Variants in AGAP1 observed in about 807,000 individuals in gnomAD.
The protein encoded by AGAP1 is ArfGAP with GTPase domain, ankyrin repeat and PH domain 1, also known as arf-GAP with GTPase, ANK repeat and PH domain-containing protein 1.
A neutral mutation model predicts 105.3 loss-of-function variants in AGAP1; 29 were observed. The ratio of observed to expected loss-of-function variants is 0.28; its 90% CI spans 0.21 to 0.38. The LOEUF (loss-of-function observed/expected upper bound fraction) is 0.38, where lower values mean the gene tolerates loss of function less well. AGAP1 is among the 10% of genes least tolerant of loss of function. The pLI is 1.00. For missense variants in AGAP1, 998 were observed against 1,165.1 expected (o/e 0.86, Z 2.09); for synonymous variants, 509 against 485.9 (o/e 1.05, Z -0.63).
intron 9 of AGAP1, among the ~76,000 whole-genome samples, chr2:235,840,896 C>T (rs540034165): frequency 6.6e-6 from 1 of 151,648 alleles, no homozygotes; most frequent in Non-Finnish European, 1.5e-5. Context: ...GAGCTAAGGA[C>T]CACTGGTGGT....
In AGAP1 at chr2:235,622,426, G is replaced by C. The variant is rs1462224453; in HGVS notation, c.164-86753G>C. On this transcript the variant is annotated intron_variant, in intron 1 of 17. Transcript: ENST00000304032. This position sits in a 1 kb window ranked among gnomAD's most constrained non-coding sequence, Gnocchi z 5.0. The stretch of plus-strand genomic sequence containing the variant: ...TCCTGCATGTCCGCCCATCTCACTG[G>C]GGTGATGAATGGATCTAGACCTGGT... Among the ~76,000 whole-genome samples, 2 of 152,168 alleles carry C rather than the reference G, an allele frequency of 1.3e-5. No homozygotes were observed. The highest frequency in any genetic ancestry group is 2.9e-5 in the Non-Finnish European group (2 of 68,038).
rs1008258572 is a variant in AGAP1, at chr2:235,970,099, G to T, written c.1645+1476G>T. On this transcript the variant is annotated intron_variant, in intron 13 of 17. Transcript: ENST00000304032. The surrounding 1 kb of genome is among the most constrained non-coding windows in gnomAD (Gnocchi z 5.4). ...TGCCTGTAATCCCAGCTACCTGAGA[G>T]GCTGAGGCAGGAGCATTGATTGAAC... is the stretch of plus-strand genomic sequence containing the variant. 2.6e-5 allele frequency among the ~76,000 whole-genome samples: 4 copies of T among 151,614 alleles called. No individual in the cohort carries two copies. The highest frequency in any genetic ancestry group is 7.3e-5 in the African/African-American group (3 of 41,186).
chr2:235,516,793 C>T (rs554845073), intron 1 of AGAP1, among the ~76,000 whole-genome samples: 19 of 152,338 alleles, frequency 1.2e-4, no homozygotes, highest in African/African-American at 1.7e-4. Context: ...TAAGTGGCGT[C>T]GCTGCCCAGT....
At chr2:235,828,310 T>C (rs1299605856) in intron 9 of AGAP1, among the ~76,000 whole-genome samples, 1 of 152,168 alleles carries the variant, frequency 6.6e-6, no homozygotes. Context: ...GTCACCAGTG[T>C]ATCCCAGACC....
At position 235,740,797 on chromosome 2, in the gene AGAP1, A is replaced by C. The variant is rs968113611; in HGVS notation, c.311-166A>C. Among the ~76,000 whole-genome samples the C allele has an allele frequency of 3.9e-5, 6 of 152,262 alleles. No homozygotes were observed. The highest frequency in any genetic ancestry group is 8.8e-5 in the Non-Finnish European group (6 of 68,048). On this transcript the variant is annotated intron_variant, in intron 3 of 17. Coordinates refer to ENST00000304032, the MANE Select transcript of AGAP1 (RefSeq NM_001037131.3). This position sits in a 1 kb window ranked among gnomAD's most constrained non-coding sequence, Gnocchi z 5.7. ...TCTTAAAGACAAACATTTAAATCTG[A>C]GTTCGGCTCTGTTAAAATTCAGCAT...
chr2:235,859,541 G>A (rs1354938521), intron 9 of AGAP1, among the ~76,000 whole-genome samples: 4 of 144,664 alleles, frequency 2.8e-5, no homozygotes, highest in Non-Finnish European at 6.0e-5. Context: ...TTTCTGAGCA[G>A]TTTTTTTTTT....
intron 6 of AGAP1, chr2:235,774,314 C>T (rs928590432): frequency 2.3e-5 from 11 of 469,572 alleles, no homozygotes; most frequent in African/African-American, 2.0e-4. Context: ...TGTCGCCAGC[C>T]CAGGGCTGGG....
chr2:236,006,623 T>C (rs2056331234), intron 13 of AGAP1, among the ~76,000 whole-genome samples: 1 of 152,198 alleles, frequency 6.6e-6, no homozygotes, highest in Non-Finnish European at 1.5e-5. Flanking sequence ...GCAACTGTTA[T>C]AAGGGACAGG....
At chr2:235,884,459 T>TGTTTGTTTG in intron 10 of AGAP1, among the ~76,000 whole-genome samples, 1 of 149,840 alleles carries the variant, frequency 6.7e-6, no homozygotes, top group African/African-American at 2.5e-5. Context: ...ACTGTTTTTT[T>TGTTTGTTTG]TTTTTTTTTT....
At chr2:235,784,089 A>T (rs1046068297) in intron 6 of AGAP1, among the ~76,000 whole-genome samples, 5 of 152,014 alleles carry the variant, frequency 3.3e-5, no homozygotes, top group African/African-American at 9.7e-5. Flanking sequence ...TCGCTTTCAA[A>T]TTTTTTTTGT....
chr2:235,738,991 G>A lies in AGAP1; in HGVS notation c.311-1972G>A, dbSNP rs114535819. 9.6e-3 allele frequency among the ~76,000 whole-genome samples: 1,455 copies of A among 152,142 alleles called. 21 individuals carry two copies. The highest frequency in any genetic ancestry group is 0.017 in the Middle Eastern group (5 of 294). On this transcript the variant is annotated intron_variant, in intron 3 of 17. Transcript: ENST00000304032. ...TATCACTGTTGCAGACTTTTCTGTCGTAAGCAGGCTTATTCAATGTTAAAT... is the reference window on the plus strand; with the variant it reads ...TATCACTGTTGCAGACTTTTCTGTCATAAGCAGGCTTATTCAATGTTAAAT...
chr2:236,057,370 A>G lies in AGAP1; in HGVS notation c.2114+8089A>G, dbSNP rs539097817. On this transcript the variant is annotated intron_variant, in intron 16 of 17. Coordinates refer to ENST00000304032, the MANE Select transcript of AGAP1 (RefSeq NM_001037131.3). ...GTGATTTGCCTGCCTTGGCCCCCCA[A>G]AGTGCTGGGATTACAGGCATGAGCC... Among the ~76,000 whole-genome samples the G allele has an allele frequency of 9.4e-4, 143 of 152,214 alleles. 1 individual carries two copies. The highest frequency in any genetic ancestry group is 6.8e-3 in the Middle Eastern group (2 of 294).
In AGAP1 at chr2:235,728,326, T is replaced by TGTGTGTGTGTGTGTGC. The variant is rs986896995; in HGVS notation, c.310+10683_310+10684insTGTGTGTGTGTGTGCG. ...CTGTGTGTGTGTGTGTGTGTGTGTGTGCGTGCTCTTAAATCAATGTAAATT... is the reference window on the plus strand; with the variant it reads ...CTGTGTGTGTGTGTGTGTGTGTGTGTGTGTGTGTGTGTGTGCGCGTGCTCTTAAATCAATGTAAATT... On this transcript the variant is annotated intron_variant, in intron 3 of 17. Transcript: ENST00000304032. The surrounding 1 kb of genome is among the most constrained non-coding windows in gnomAD (Gnocchi z 4.3). Among the ~76,000 whole-genome samples, 110 of 151,734 alleles carry TGTGTGTGTGTGTGTGC rather than the reference T, an allele frequency of 7.2e-4. 2 individuals are homozygous for TGTGTGTGTGTGTGTGC. In the East Asian group the frequency reaches 0.017, roughly 23 times the overall value.
At chr2:235,987,019 A>G (rs994062883) in intron 13 of AGAP1, among the ~76,000 whole-genome samples, 16 of 152,206 alleles carry the variant, frequency 1.1e-4, no homozygotes, top group African/African-American at 3.4e-4. Flanking sequence ...CTCCTTTTCA[A>G]TTGTTTGGAA....
At chr2:235,529,213 G>A (rs142773050) in intron 1 of AGAP1, among the ~76,000 whole-genome samples, 113 of 152,314 alleles carry the variant, frequency 7.4e-4, no homozygotes, top group Non-Finnish European at 1.3e-3. Context: ...CTGTGAATAT[G>A]GTGGAAAGTT....
At chr2:235,507,903 G>A (rs764798184) in intron 1 of AGAP1, among the ~76,000 whole-genome samples, 13 of 152,122 alleles carry the variant, frequency 8.5e-5, no homozygotes, top group Non-Finnish European at 1.3e-4. Flanking sequence ...TTATTACAAC[G>A]CATAGTAAGT....
intron 1 of AGAP1, among the ~76,000 whole-genome samples, chr2:235,567,547 GT>G (rs989706746): frequency 1.3e-5 from 2 of 152,238 alleles, no homozygotes; most frequent in African/African-American, 4.8e-5. Context: ...TATGGGAGCT[GT>G]CTTTTCATGG....
In AGAP1 at chr2:236,105,968, C is replaced by G. The variant is rs944534628; in HGVS notation, c.2115-14224C>G. On this transcript the variant is annotated intron_variant, in intron 16 of 17. Transcript: ENST00000304032. The surrounding 1 kb of genome is among the most constrained non-coding windows in gnomAD (Gnocchi z 4.2). ...TCTACTCTCCTGACCTAATCACCTC[C>G]CAGAGGTCCTGTCACCAAACACCAT... Among the ~76,000 whole-genome samples the G allele has an allele frequency of 6.6e-6, 1 of 152,178 alleles. No individual in the cohort carries two copies. The highest frequency in any genetic ancestry group is 1.5e-5 in the Non-Finnish European group (1 of 68,030).
rs542975141 is a variant in AGAP1 at position 235,621,522 on chromosome 2, T to C, written c.164-87657T>C. On this transcript the variant is annotated intron_variant, in intron 1 of 17. Coordinates refer to ENST00000304032, the MANE Select transcript of AGAP1 (RefSeq NM_001037131.3). This position sits in a 1 kb window ranked among gnomAD's most constrained non-coding sequence, Gnocchi z 4.1. The stretch of plus-strand genomic sequence containing the variant: ...CCTACGAGGCTGTCATGTGAATGTG[T>C]CAAGGGCCCTGTCACGTCTCTGAGC... Among the ~76,000 whole-genome samples the C allele has an allele frequency of 6.6e-6, 1 of 152,304 alleles. No homozygotes were observed. The highest frequency in any genetic ancestry group is 6.5e-5 in the Admixed American group (1 of 15,294).
Sources: gnomAD v4.1 joint callset for allele counts (sites outside exome capture counted in the v4.1 genomes callset) on GRCh38, gnomAD v4.1.1 for gene constraint, Gnocchi (gnomAD v3.1) non-coding constraint, MANE v1.5 for transcripts, NCBI Gene and HGNC (gene_info 2026-07-23, HGNC 2026-07-21) for gene names.